The following CNTNAP2 variants were observed in gnomAD, a reference collection of about 807,000 sequenced individuals.
The protein encoded by CNTNAP2 is contactin associated protein 2, also known as contactin-associated protein-like 2.
A neutral mutation model predicts 155.2 loss-of-function variants in CNTNAP2; 98 were observed. That is an observed-to-expected ratio of 0.63 (90% confidence interval 0.54 to 0.75). The LOEUF is 0.75. Among genes scored for constraint, CNTNAP2 ranks in the 30% least tolerant of loss-of-function variants. The pLI, the probability that CNTNAP2 is intolerant of heterozygous loss-of-function variation, is 0.00. For synonymous variants in CNTNAP2, 651 were observed against 631.2 expected, an observed-to-expected ratio of 1.03 and a Z score of -0.47; for missense variants, 1,727 against 1,688.1, an observed-to-expected ratio of 1.02 and a Z score of -0.40.
In CNTNAP2 at chr7:146,635,115, G is replaced by C. The variant is rs116243168; in HGVS notation, c.98-139156G>C. Among the ~76,000 whole-genome samples the C allele has an allele frequency of 5.5e-3, 830 of 151,814 alleles. 3 individuals are homozygous for C. The highest frequency in any genetic ancestry group is 0.018 in the African/African-American group (746 of 41,374). On this transcript the variant is annotated intron_variant, in intron 1 of 23. Transcript: ENST00000361727. ...GAGGGCAAAGAAAATGTGCGTCCAG[G>C]AATAAGCACAAGGCCTCAAACATAG...
chr7:148,140,061 T>C (rs1805029339), intron 16 of CNTNAP2, among the ~76,000 whole-genome samples: 1 of 152,102 alleles, frequency 6.6e-6, no homozygotes, highest in Non-Finnish European at 1.5e-5. Flanking sequence ...TCATGCTGCA[T>C]TATGGGTGAA....
intron 13 of CNTNAP2, among the ~76,000 whole-genome samples, chr7:147,808,202 A>G (rs887274634): frequency 4.6e-5 from 7 of 151,970 alleles, no homozygotes; most frequent in African/African-American, 1.5e-4. Flanking sequence ...GATATTCTGT[A>G]CCTCTTTGCA....
intron 8 of CNTNAP2, among the ~76,000 whole-genome samples, chr7:147,230,589 G>GGTAAAAGAAGAT (rs1354431123): frequency 6.6e-6 from 1 of 152,014 alleles, no homozygotes; most frequent in Non-Finnish European, 1.5e-5. Context: ...ATATTTAAGG[G>GGTAAAAGAAGAT]GTAAAAGAAG....
At chr7:147,792,629 T>A (rs1563091025) in intron 13 of CNTNAP2, among the ~76,000 whole-genome samples, 1 of 152,162 alleles carries the variant, frequency 6.6e-6, no homozygotes, top group Non-Finnish European at 1.5e-5. Context: ...TGAGTTTACA[T>A]TTTTGCCTGT....
chr7:147,318,160 C>T (rs760925353), intron 9 of CNTNAP2, among the ~76,000 whole-genome samples: 3 of 151,932 alleles, frequency 2.0e-5, no homozygotes, highest in Admixed American at 1.3e-4. Flanking sequence ...ATGTAAAGTT[C>T]GCTGGGCGTT....
intron 1 of CNTNAP2, among the ~76,000 whole-genome samples, chr7:146,224,607 A>G (rs1216945251): frequency 6.8e-6 from 1 of 147,150 alleles, no homozygotes. Flanking sequence ...AAAAAAAAGT[A>G]GTAATAATAA....
chr7:146,540,648 T>C (rs925329253), intron 1 of CNTNAP2, among the ~76,000 whole-genome samples: 2 of 151,994 alleles, frequency 1.3e-5, no homozygotes, highest in Non-Finnish European at 2.9e-5. Flanking sequence ...GTGATTAAAA[T>C]CTACCCCCAT....
chr7:147,650,335 G>T (rs530230444), intron 13 of CNTNAP2, among the ~76,000 whole-genome samples: 1 of 152,264 alleles, frequency 6.6e-6, no homozygotes, highest in African/African-American at 2.4e-5. Flanking sequence ...TGGGTGCTAT[G>T]AGAATACAAT....
At chr7:146,352,752 T>TTTTTTTTG (rs1794935928) in intron 1 of CNTNAP2, among the ~76,000 whole-genome samples, 1 of 112,876 alleles carries the variant, frequency 8.9e-6, no homozygotes, top group African/African-American at 4.0e-5. Flanking sequence ...ATAATTCTGT[T>TTTTTTTTG]TTTTTTTTTT....
intron 21 of CNTNAP2, among the ~76,000 whole-genome samples, chr7:148,278,767 G>A (rs1796923741): frequency 6.6e-6 from 1 of 152,196 alleles, no homozygotes; most frequent in African/African-American, 2.4e-5. Context: ...ATAAATGTTA[G>A]CAATAAGTGC....
chr7:147,799,972 C>T (rs1001137723), intron 13 of CNTNAP2, among the ~76,000 whole-genome samples: 7 of 152,180 alleles, frequency 4.6e-5, no homozygotes, highest in African/African-American at 1.7e-4. Flanking sequence ...AAATACTTAA[C>T]AGGCCTCTGT....
intron 13 of CNTNAP2, among the ~76,000 whole-genome samples, chr7:147,642,068 A>G (rs1440808765): frequency 6.6e-6 from 1 of 151,938 alleles, no homozygotes; most frequent in Non-Finnish European, 1.5e-5. Context: ...AGGAAAAGTC[A>G]AAGACTGTAT....
intron 1 of CNTNAP2, among the ~76,000 whole-genome samples, chr7:146,506,146 TGTTGTTG>T (rs1162300085): frequency 6.6e-6 from 1 of 152,130 alleles, no homozygotes. Context: ...CTGAATTGTA[TGTTGTTG>T]GTTGGCCATC....
chr7:148,208,221 G>A (rs1189647619), intron 18 of CNTNAP2, among the ~76,000 whole-genome samples: 4 of 152,230 alleles, frequency 2.6e-5, no homozygotes, highest in Non-Finnish European at 5.9e-5. Context: ...AGAGAGCTTA[G>A]GGTGTCTCTA....
chr7:147,407,222 A>G (rs963621588), intron 10 of CNTNAP2, among the ~76,000 whole-genome samples: 7 of 152,132 alleles, frequency 4.6e-5, no homozygotes, highest in African/African-American at 1.7e-4. Flanking sequence ...TGATCCCAGC[A>G]CTTTGGGAGG....
chr7:147,442,842 G>A (rs981646916), intron 10 of CNTNAP2, among the ~76,000 whole-genome samples: 1 of 152,108 alleles, frequency 6.6e-6, no homozygotes, highest in African/African-American at 2.4e-5. Context: ...GACTCTGACT[G>A]CTGCCCTATC....
chr7:148,330,199 AT>A, intron 21 of CNTNAP2, among the ~76,000 whole-genome samples: 2 of 149,912 alleles, frequency 1.3e-5, no homozygotes, highest in South Asian at 4.2e-4. Context: ...GAATGGGTGG[AT>A]GGAGTGGATG....
At chr7:147,849,826 G>T (rs1798892973) in intron 13 of CNTNAP2, 1 of 152,220 alleles carries the variant, frequency 6.6e-6, no homozygotes. Context: ...GGCATGTTAG[G>T]CATTGGAATG....
intron 1 of CNTNAP2, among the ~76,000 whole-genome samples, chr7:146,209,836 A>C (rs1212999665): frequency 6.6e-6 from 1 of 152,212 alleles, no homozygotes; most frequent in Admixed American, 6.5e-5. Context: ...CATATTGTAA[A>C]CATAAATATA....
Sources: allele counts gnomAD v4.1 joint callset (sites outside exome capture counted in the v4.1 genomes callset), GRCh38; gene constraint gnomAD v4.1.1; transcripts MANE v1.5; gene names NCBI Gene and HGNC (gene_info 2026-07-23, HGNC 2026-07-21).